Variants in ENTREP1 observed in about 807,000 individuals in gnomAD.
The protein encoded by ENTREP1 is Friedreich ataxia region gene X123.
At chr9:69,325,681 C>T in the ENTREP1 span, 2 of 1,231,338 alleles carry the variant, frequency 1.6e-6, no homozygotes, top group Admixed American at 4.2e-5. Flanking sequence ...TGAGCAGCTC[C>T]CCGCAGGTGA....
chr9:69,374,328 T>C, the ENTREP1 span, among the ~76,000 whole-genome samples: 1 of 152,150 alleles, frequency 6.6e-6, no homozygotes, highest in Non-Finnish European at 1.5e-5. Context: ...GTGAGCATTA[T>C]TGTTTTGGGG....
At chr9:69,337,093 C>T in the ENTREP1 span, among the ~76,000 whole-genome samples, 6 of 150,270 alleles carry the variant, frequency 4.0e-5, no homozygotes, top group East Asian at 7.8e-4. Context: ...CAGCTTACCG[C>T]AACCTCTGCC....
chr9:69,325,447 C>G, the ENTREP1 span: 3 of 956,508 alleles, frequency 3.1e-6, no homozygotes, highest in Non-Finnish European at 3.7e-6. Flanking sequence ...CGCGCTGGCC[C>G]CGGGGCGCGC....
At chr9:69,328,906 A>G in the ENTREP1 span, among the ~76,000 whole-genome samples, 1 of 151,688 alleles carries the variant, frequency 6.6e-6, no homozygotes, top group African/African-American at 2.4e-5. Flanking sequence ...CCCACTGATT[A>G]ACCCACTTTC....
the ENTREP1 span, chr9:69,381,432 T>G: frequency 2.0e-5 from 3 of 152,204 alleles, no homozygotes; most frequent in Admixed American, 1.3e-4. Context: ...CCATTATCCA[T>G]TTCCTTTTGC....
the ENTREP1 span, chr9:69,325,249 GC>G: frequency 9.1e-7 from 1 of 1,095,786 alleles, no homozygotes; most frequent in Non-Finnish European, 1.1e-6. Context: ...GCTCGGCTCC[GC>G]TCCGCGTCCT....
chr9:69,336,670 C>T, the ENTREP1 span, among the ~76,000 whole-genome samples: 1 of 151,950 alleles, frequency 6.6e-6, no homozygotes, highest in Non-Finnish European at 1.5e-5. Flanking sequence ...TACTCCCACT[C>T]ATTTCCTCTC....
chr9:69,326,884 C>T, the ENTREP1 span, among the ~76,000 whole-genome samples: 3 of 151,934 alleles, frequency 2.0e-5, no homozygotes, highest in African/African-American at 4.8e-5. Flanking sequence ...TTTCTATGAA[C>T]TCACTGTGTA....
chr9:69,376,803 G>A, the ENTREP1 span, among the ~76,000 whole-genome samples: 25 of 152,328 alleles, frequency 1.6e-4, no homozygotes, highest in Admixed American at 7.8e-4. Flanking sequence ...CAACAGAAGC[G>A]TTTGGAATGG....
At chr9:69,334,620 A>C in the ENTREP1 span, among the ~76,000 whole-genome samples, 1 of 152,202 alleles carries the variant, frequency 6.6e-6, no homozygotes, top group African/African-American at 2.4e-5. Context: ...TTATTTTACA[A>C]AGCTCAGAGT....
At chr9:69,378,545 A>G in the ENTREP1 span, among the ~76,000 whole-genome samples, 5 of 152,042 alleles carry the variant, frequency 3.3e-5, no homozygotes, top group African/African-American at 4.8e-5. Flanking sequence ...AGGCGGGCAG[A>G]TCATGAGGTC....
chr9:69,389,980 G>A, the ENTREP1 span, among the ~76,000 whole-genome samples: 1 of 152,194 alleles, frequency 6.6e-6, no homozygotes, highest in East Asian at 1.9e-4. Context: ...GGTAGAAGGA[G>A]GTAAGAACAC....
chr9:69,371,689 A>G, the ENTREP1 span: 5,843 of 934,192 alleles, frequency 6.3e-3, 28 homozygotes, highest in Non-Finnish European at 8.4e-3. Flanking sequence ...TGCAACATTC[A>G]GCATCAGGCA....
At chr9:69,366,023 C>T in the ENTREP1 span, among the ~76,000 whole-genome samples, 2 of 152,050 alleles carry the variant, frequency 1.3e-5, no homozygotes, top group Non-Finnish European at 2.9e-5. Flanking sequence ...ATACTGATTT[C>T]TTTTCTTTTC....
At chr9:69,375,627 A>C in the ENTREP1 span, 1 of 882,874 alleles carries the variant, frequency 1.1e-6, no homozygotes, top group South Asian at 1.6e-5. Context: ...GCATTGCCTG[A>C]CACAGAACCC....
the ENTREP1 span, chr9:69,336,152 C>T: frequency 2.5e-5 from 21 of 849,810 alleles, 1 homozygote; most frequent in East Asian, 4.8e-4. Context: ...ACTTTTGTGA[C>T]TGAGGATTTG....
At chr9:69,383,168 G>A in the ENTREP1 span, 5 of 941,606 alleles carry the variant, frequency 5.3e-6, no homozygotes, top group Non-Finnish European at 6.3e-6. Flanking sequence ...TTTAAATAGA[G>A]GTGAAACTCA....
At chr9:69,346,702 T>C in the ENTREP1 span, among the ~76,000 whole-genome samples, 5 of 152,218 alleles carry the variant, frequency 3.3e-5, no homozygotes, top group Admixed American at 1.3e-4. Flanking sequence ...TATTAGATTC[T>C]TTATTTCCAG....
the ENTREP1 span, among the ~76,000 whole-genome samples, chr9:69,389,477 C>T: frequency 2.0e-5 from 3 of 152,192 alleles, no homozygotes; most frequent in Admixed American, 1.3e-4. Context: ...GATCTGATTA[C>T]TTGCATGAAG....
Sources: gnomAD v4.1 joint callset for allele counts (sites outside exome capture counted in the v4.1 genomes callset) on GRCh38, gnomAD v4.1.1 for gene constraint, MANE v1.5 for transcripts, NCBI Gene and HGNC (gene_info 2026-07-23, HGNC 2026-07-21) for gene names.